The following HS6ST2 variants were observed in gnomAD, a reference collection of about 807,000 sequenced individuals.
The protein encoded by HS6ST2 is heparan sulfate 6-O-sulfotransferase 2.
HS6ST2 carries 17 observed loss-of-function variants against 33.0 expected under a neutral mutation model. That is an observed-to-expected ratio of 0.52 (90% CI 0.35 to 0.77). HS6ST2 has a LOEUF of 0.77. Among genes scored for constraint, HS6ST2 ranks in the 30% least tolerant of loss-of-function variants. The pLI, the probability that HS6ST2 is intolerant of heterozygous loss-of-function variation, is 0.01. For synonymous variants in HS6ST2, 248 were observed against 237.1 expected (o/e 1.05, Z -0.42); for missense variants, 519 against 551.7 (o/e 0.94, Z 0.59).
At chrX:132,900,728 A>G (rs1246228304) in intron 2 of HS6ST2, among the ~76,000 whole-genome samples, 2 of 111,176 alleles carry the variant, frequency 1.8e-5, no homozygotes, top group Non-Finnish European at 3.8e-5. Flanking sequence ...AAGGTAGAAT[A>G]TTAAAAGTTA....
At chrX:132,670,373 C>T (rs1260220231) in intron 3 of HS6ST2, among the ~76,000 whole-genome samples, 2 of 111,558 alleles carry the variant, frequency 1.8e-5, no homozygotes, top group African/African-American at 6.5e-5. Flanking sequence ...CTTCAAATGA[C>T]TTCATGGATA....
At chrX:132,892,616 C>G (rs1417712265) in intron 2 of HS6ST2, among the ~76,000 whole-genome samples, 1 of 111,891 alleles carries the variant, frequency 8.9e-6, no homozygotes, top group Admixed American at 9.5e-5. Flanking sequence ...GTCAGGAGTT[C>G]GATACCAGCC....
chrX:132,679,089 G>C (rs948181993), intron 3 of HS6ST2, among the ~76,000 whole-genome samples: 1 of 112,159 alleles, frequency 8.9e-6, no homozygotes, highest in African/African-American at 3.2e-5. Flanking sequence ...GTACTGACTT[G>C]ACAGAACTTA....
At chrX:132,954,131 A>G (rs1263737662) in intron 2 of HS6ST2, among the ~76,000 whole-genome samples, 1 of 112,399 alleles carries the variant, frequency 8.9e-6, no homozygotes, top group Non-Finnish European at 1.9e-5. Flanking sequence ...GAGGAATACC[A>G]GAGATAAGGG....
chrX:132,782,245 C>T (rs1271312365), intron 2 of HS6ST2, among the ~76,000 whole-genome samples: 2 of 111,459 alleles, frequency 1.8e-5, no homozygotes, highest in Non-Finnish European at 3.8e-5. Context: ...CACAGAGTAT[C>T]CTGGAAAAAT....
chrX:132,957,151 C>A lies in HS6ST2; in HGVS notation c.604G>T (p.Ala202Ser). The A allele has an allele frequency of 8.3e-7, 1 of 1,211,684 alleles. No individual in the cohort carries two copies. Among genetic ancestry groups the A allele is most frequent in the Non-Finnish European group, 1.1e-6 (1 of 895,435 alleles). ...DPYRSEDESS[A>S]RFVPRYNFTR... ...AAATTGTAGCGGGGCACGAACCTGGCGGAGCTCTCATCCTCCGAGCGGTAC... is the reference window on the plus strand; with the variant it reads ...AAATTGTAGCGGGGCACGAACCTGGAGGAGCTCTCATCCTCCGAGCGGTAC... The change falls in exon 2 of 5, where the codon GCC (alanine) becomes TCC (serine). Residue 202 changes from alanine (A) to serine (S), a missense_variant. Ala to Ser is a moderately conservative substitution (Grantham distance 99). Transcript: ENST00000370833.
At chrX:132,774,806 G>A (rs1008714818) in intron 2 of HS6ST2, among the ~76,000 whole-genome samples, 1 of 110,452 alleles carries the variant, frequency 9.1e-6, no homozygotes, top group Non-Finnish European at 1.9e-5. Flanking sequence ...TCAGCCTCCA[G>A]AGTAGTGGGG....
At chrX:132,636,941 C>A (rs2063554025) in intron 4 of HS6ST2, among the ~76,000 whole-genome samples, 2 of 111,940 alleles carry the variant, frequency 1.8e-5, no homozygotes, top group Admixed American at 9.5e-5. Flanking sequence ...TTCCCTTTTC[C>A]AGAATGAAGA....
intron 4 of HS6ST2, among the ~76,000 whole-genome samples, chrX:132,652,416 T>C (rs2063700340): frequency 9.0e-6 from 1 of 111,640 alleles, no homozygotes; most frequent in African/African-American, 3.3e-5. Context: ...ACATATATAA[T>C]AGAGAGAGTG....
intron 2 of HS6ST2, among the ~76,000 whole-genome samples, chrX:132,787,181 A>G (rs1325888036): frequency 2.0e-4 from 16 of 78,873 alleles, no homozygotes; most frequent in African/African-American, 4.2e-4. Flanking sequence ...ATATATATAT[A>G]TATATACATA....
chrX:132,799,524 C>T (rs770473059), intron 2 of HS6ST2, among the ~76,000 whole-genome samples: 178 of 109,583 alleles, frequency 1.6e-3, no homozygotes, highest in African/African-American at 5.7e-3. Context: ...CAGGTGCATG[C>T]CATCACGCCT....
intron 3 of HS6ST2, among the ~76,000 whole-genome samples, chrX:132,692,514 C>T (rs2064074227): frequency 9.0e-6 from 1 of 110,954 alleles, no homozygotes; most frequent in Non-Finnish European, 1.9e-5. Context: ...TATGTCTCAG[C>T]ATGGCTTTCA....
chrX:132,799,923 C>T (rs1357776795), intron 2 of HS6ST2, among the ~76,000 whole-genome samples: 3 of 112,129 alleles, frequency 2.7e-5, no homozygotes, highest in Non-Finnish European at 5.6e-5. Flanking sequence ...AAATACTTCA[C>T]AGGACACATT....
chrX:132,698,553 CA>C (rs1177504275), intron 3 of HS6ST2, among the ~76,000 whole-genome samples: 1 of 111,665 alleles, frequency 9.0e-6, no homozygotes, highest in Admixed American at 9.5e-5. Context: ...TACTGACACT[CA>C]AAAATATTAC....
At chrX:132,884,966 T>A (rs189867070) in intron 2 of HS6ST2, among the ~76,000 whole-genome samples, 1 of 111,766 alleles carries the variant, frequency 8.9e-6, no homozygotes, top group Admixed American at 9.5e-5. Context: ...ACAACATTAT[T>A]ATAATATATA....
chrX:132,783,602 T>C (rs2065033828), intron 2 of HS6ST2, among the ~76,000 whole-genome samples: 1 of 110,988 alleles, frequency 9.0e-6, no homozygotes, highest in African/African-American at 3.3e-5. Context: ...AACAATAGCT[T>C]TCTTTCACCC....
chrX:132,866,119 C>T (rs1260599083), intron 2 of HS6ST2, among the ~76,000 whole-genome samples: 5 of 110,117 alleles, frequency 4.5e-5, no homozygotes, highest in African/African-American at 1.6e-4. Context: ...TTAGGTCTAA[C>T]GTTTAAGTCT....
intron 2 of HS6ST2, among the ~76,000 whole-genome samples, chrX:132,715,140 T>TA (rs1296114953): frequency 6.3e-5 from 7 of 111,879 alleles, no homozygotes; most frequent in Non-Finnish European, 1.1e-4. Context: ...AAATGACTGA[T>TA]ATGGGAAGTT....
At chrX:132,864,789 C>A (rs1440173794) in intron 2 of HS6ST2, among the ~76,000 whole-genome samples, 1 of 109,796 alleles carries the variant, frequency 9.1e-6, no homozygotes, top group African/African-American at 3.3e-5. Flanking sequence ...GAAGAGCAAC[C>A]CTAAGACACG....
Sources: gnomAD v4.1 joint callset for allele counts (sites outside exome capture counted in the v4.1 genomes callset) on GRCh38, gnomAD v4.1.1 for gene constraint, MANE v1.5 for transcripts, NCBI Gene and HGNC (gene_info 2026-07-23, HGNC 2026-07-21) for gene names.